The following HMGCLL1 variants were observed in gnomAD, a reference collection of about 807,000 sequenced individuals.
The protein encoded by HMGCLL1 is 3-hydroxymethyl-3-methylglutaryl-CoA lyase, cytoplasmic.
Under a neutral mutation model 39.1 loss-of-function variants are expected in HMGCLL1, and 36 were observed. The ratio of observed to expected loss-of-function variants is 0.92; its 90% CI spans 0.71 to 1.22. HMGCLL1 has a LOEUF of 1.22. Ranked by LOEUF, HMGCLL1 falls within the 50% of genes most tolerant of loss-of-function variation. The pLI, the probability that HMGCLL1 is intolerant of heterozygous loss-of-function variation, is 0.00. For synonymous variants in HMGCLL1, 149 were observed against 144.0 expected (o/e 1.03, Z -0.25); for missense variants, 451 against 416.5 (o/e 1.08, Z -0.72).
intron 1 of HMGCLL1, among the ~76,000 whole-genome samples, chr6:55,562,161 CA>C (rs1770980883): frequency 6.6e-6 from 1 of 151,992 alleles, no homozygotes; most frequent in African/African-American, 2.4e-5. Context: ...TGAAAAGGAT[CA>C]AAGTTTTAAA....
chr6:55,610,726 A>G, the HMGCLL1 span, among the ~76,000 whole-genome samples: 1 of 152,302 alleles, frequency 6.6e-6, no homozygotes, highest in South Asian at 2.1e-4. Flanking sequence ...ACTAAGACAC[A>G]TAATCATCAG....
At chr6:55,530,220 A>G (rs1768583219) in intron 3 of HMGCLL1, among the ~76,000 whole-genome samples, 1 of 152,170 alleles carries the variant, frequency 6.6e-6, no homozygotes, top group Non-Finnish European at 1.5e-5. Flanking sequence ...ATAGCAGTAT[A>G]AGAAGGTCTG....
the HMGCLL1 span, among the ~76,000 whole-genome samples, chr6:55,604,958 G>A: frequency 6.6e-6 from 1 of 152,280 alleles, no homozygotes; most frequent in Non-Finnish European, 1.5e-5. Flanking sequence ...GATGATATAA[G>A]TGTAGTTTAC....
chr6:55,624,666 C>G, the HMGCLL1 span, among the ~76,000 whole-genome samples: 1 of 152,152 alleles, frequency 6.6e-6, no homozygotes, highest in Non-Finnish European at 1.5e-5. Flanking sequence ...GAGATATTTG[C>G]ATGCCAGGGG....
intron 1 of HMGCLL1, among the ~76,000 whole-genome samples, chr6:55,553,073 G>A (rs1770432207): frequency 6.6e-6 from 1 of 151,530 alleles, no homozygotes; most frequent in Non-Finnish European, 1.5e-5. Context: ...AATCCGGGAG[G>A]AGAAGATTGC....
intron 7 of HMGCLL1, among the ~76,000 whole-genome samples, chr6:55,458,798 C>G (rs1764435605): frequency 6.6e-6 from 1 of 152,166 alleles, no homozygotes; most frequent in South Asian, 2.1e-4. Flanking sequence ...ATTGCACTTT[C>G]TTCCATATCA....
At chr6:55,558,293 C>T (rs573833568) in intron 1 of HMGCLL1, among the ~76,000 whole-genome samples, 1 of 152,240 alleles carries the variant, frequency 6.6e-6, no homozygotes, top group South Asian at 2.1e-4. Flanking sequence ...CCATTAAATA[C>T]TTGTGGGTTA....
chr6:55,506,487 T>C (rs929613963), intron 5 of HMGCLL1, among the ~76,000 whole-genome samples: 1 of 151,648 alleles, frequency 6.6e-6, no homozygotes, highest in Admixed American at 6.6e-5. Context: ...TTACATGCAG[T>C]CAACCATGGT....
chr6:55,460,390 C>A (rs970780779), intron 7 of HMGCLL1, among the ~76,000 whole-genome samples: 1 of 151,880 alleles, frequency 6.6e-6, no homozygotes, highest in Non-Finnish European at 1.5e-5. Context: ...TTTCACATTA[C>A]TAGAGACAAA....
At chr6:55,463,328 G>A (rs34640977) in intron 7 of HMGCLL1, among the ~76,000 whole-genome samples, 13,037 of 151,988 alleles carry the variant, frequency 0.086, 833 homozygotes, top group Non-Finnish European at 0.13. Context: ...CACTGTGCCC[G>A]GCCCCAGTCT....
chr6:55,653,231 C>CA, the HMGCLL1 span, among the ~76,000 whole-genome samples: 3 of 151,180 alleles, frequency 2.0e-5, no homozygotes, highest in Non-Finnish European at 4.4e-5. Flanking sequence ...TAGCTACTAA[C>CA]AAAAAAAAAG....
chr6:55,620,340 A>G, the HMGCLL1 span, among the ~76,000 whole-genome samples: 47 of 152,114 alleles, frequency 3.1e-4, no homozygotes, highest in Non-Finnish European at 5.9e-4. Context: ...TTTTCTCCAT[A>G]TATTTGCCAG....
the HMGCLL1 span, among the ~76,000 whole-genome samples, chr6:55,675,628 A>C: frequency 6.6e-6 from 1 of 152,158 alleles, no homozygotes; most frequent in East Asian, 1.9e-4. Context: ...ACAAGTAATA[A>C]GTGAATTTAG....
chr6:55,493,950 T>C (rs887873410), intron 7 of HMGCLL1, among the ~76,000 whole-genome samples: 2 of 151,972 alleles, frequency 1.3e-5, no homozygotes, highest in African/African-American at 4.8e-5. Context: ...TTAGCCAGGA[T>C]GGTCTTGATC....
At chr6:55,654,660 T>C in the HMGCLL1 span, among the ~76,000 whole-genome samples, 1 of 151,840 alleles carries the variant, frequency 6.6e-6, no homozygotes, top group Non-Finnish European at 1.5e-5. Flanking sequence ...CACTTCCTGA[T>C]CAAGCACTTA....
chr6:55,514,764 T>C (rs988824311), intron 4 of HMGCLL1, among the ~76,000 whole-genome samples: 8 of 152,174 alleles, frequency 5.3e-5, no homozygotes, highest in Admixed American at 5.2e-4. Flanking sequence ...TTTTTGTCAG[T>C]CTTTAAATGC....
chr6:55,435,722 A>G lies in HMGCLL1; in HGVS notation c.963T>C (p.Ile321=). ...LYKVMEAGDF[I]CKAVNKTTNS... The stretch of plus-strand genomic sequence containing the variant: ...TTGTGGTTTTATTCACAGCTTTGCA[A>G]ATAAAGTCACCAGCTTCCATCACTT... Residue 321 remains isoleucine, a synonymous_variant, in exon 9 of 9, where the codon ATT becomes ATC. Coordinates refer to ENST00000274901, the MANE Select transcript of HMGCLL1 (RefSeq NM_001042406.2). 1.2e-6 allele frequency: 2 copies of G among 1,605,360 alleles called. No individual in the cohort carries two copies.
intron 7 of HMGCLL1, among the ~76,000 whole-genome samples, chr6:55,478,434 C>T (rs1342633117): frequency 6.6e-6 from 1 of 151,192 alleles, no homozygotes; most frequent in Non-Finnish European, 1.5e-5. Context: ...TATGAATAAT[C>T]CTACAAATTT....
chr6:55,641,143 TA>T, the HMGCLL1 span, among the ~76,000 whole-genome samples: 6 of 149,728 alleles, frequency 4.0e-5, no homozygotes, highest in Non-Finnish European at 7.4e-5. Context: ...AAATTTTTGG[TA>T]AAAAAAAACA....
Sources: allele counts gnomAD v4.1 joint callset (sites outside exome capture counted in the v4.1 genomes callset), GRCh38; gene constraint gnomAD v4.1.1; transcripts MANE v1.5; gene names NCBI Gene and HGNC (gene_info 2026-07-23, HGNC 2026-07-21).